Variants in PDE8A observed in about 807,000 individuals in gnomAD.
PDE8A encodes high affinity cAMP-specific and IBMX-insensitive 3',5'-cyclic phosphodiesterase 8A.
PDE8A carries 59 observed loss-of-function variants against 105.0 expected under a neutral mutation model. The ratio of observed to expected loss-of-function variants is 0.56; its 90% confidence interval spans 0.46 to 0.70. The LOEUF is 0.70. Among genes scored for constraint, PDE8A ranks in the 30% least tolerant of loss-of-function variants. PDE8A has a pLI of 0.00. For missense variants in PDE8A, 1,014 were observed against 1,045.9 expected (o/e 0.97, Z 0.42); for synonymous variants, 355 against 371.9 (o/e 0.95, Z 0.52).
At chr15:85,046,424 A>G (rs1306275752) in intron 1 of PDE8A, among the ~76,000 whole-genome samples, 1 of 152,214 alleles carries the variant, frequency 6.6e-6, no homozygotes, top group East Asian at 1.9e-4. Context: ...TTACATACAT[A>G]TATTTATGTA....
chr15:84,990,876 A>G (rs2079875349), intron 1 of PDE8A, among the ~76,000 whole-genome samples: 1 of 152,184 alleles, frequency 6.6e-6, no homozygotes, highest in Non-Finnish European at 1.5e-5. Context: ...CAGTTGCTCT[A>G]CATCCTTCCC....
intron 3 of PDE8A, among the ~76,000 whole-genome samples, chr15:85,069,541 A>C (rs1363321490): frequency 2.0e-5 from 3 of 152,126 alleles, no homozygotes; most frequent in Non-Finnish European, 4.4e-5. Context: ...CCTTACTGCT[A>C]TGAGTGGCTC....
chr15:85,060,883 G>T (rs1008058183), intron 1 of PDE8A, among the ~76,000 whole-genome samples: 9 of 152,034 alleles, frequency 5.9e-5, no homozygotes, highest in Non-Finnish European at 8.8e-5. Flanking sequence ...CTTTTATTGA[G>T]ATCTTTATTT....
At chr15:85,119,975 G>A (rs1414879603) in intron 17 of PDE8A, among the ~76,000 whole-genome samples, 2 of 151,920 alleles carry the variant, frequency 1.3e-5, no homozygotes, top group Non-Finnish European at 2.9e-5. Context: ...AAATAACCAA[G>A]AAAATAGGTG....
At chr15:85,055,081 T>A (rs928879816) in intron 1 of PDE8A, among the ~76,000 whole-genome samples, 7 of 111,212 alleles carry the variant, frequency 6.3e-5, no homozygotes, top group Admixed American at 5.2e-4. Flanking sequence ...CCAGTAGTCA[T>A]TCGGGAGCAG....
intron 1 of PDE8A, among the ~76,000 whole-genome samples, chr15:85,051,564 C>T (rs2080973602): frequency 6.6e-6 from 1 of 152,108 alleles, no homozygotes; most frequent in Non-Finnish European, 1.5e-5. Context: ...CACAGATCAA[C>T]CCATCACCCA....
intron 11 of PDE8A, among the ~76,000 whole-genome samples, chr15:85,103,568 TC>T (rs1447341139): frequency 6.6e-6 from 1 of 152,270 alleles, no homozygotes; most frequent in Admixed American, 6.5e-5. Context: ...ACAACAGAAA[TC>T]AATTCTTCAG....
At chr15:85,072,373 T>TA (rs2081324361) in intron 3 of PDE8A, among the ~76,000 whole-genome samples, 1 of 152,204 alleles carries the variant, frequency 6.6e-6, no homozygotes, top group Admixed American at 6.5e-5. Context: ...TTGAGTCTGG[T>TA]AGTTGCCCCC....
chr15:85,063,347 C>G (rs191371196), intron 1 of PDE8A: 13 of 152,212 alleles, frequency 8.5e-5, no homozygotes, highest in African/African-American at 2.9e-4. Context: ...GTTGCTGTGA[C>G]GAATCATACC....
At chr15:85,050,977 A>T (rs1238885359) in intron 1 of PDE8A, among the ~76,000 whole-genome samples, 2 of 152,020 alleles carry the variant, frequency 1.3e-5, no homozygotes, top group Admixed American at 1.3e-4. Context: ...AATCTTTTTA[A>T]TTTTTCAGCA....
chr15:85,017,776 A>G (rs1010071872), intron 1 of PDE8A, among the ~76,000 whole-genome samples: 1 of 150,928 alleles, frequency 6.6e-6, no homozygotes, highest in African/African-American at 2.4e-5. Context: ...AATCCCAGCT[A>G]CTAGGGAGGC....
intron 14 of PDE8A, chr15:85,115,214 A>G (rs904825732): frequency 8.2e-6 from 4 of 486,048 alleles, no homozygotes; most frequent in East Asian, 7.6e-5. Context: ...TTAGCTTCCA[A>G]CAGGGCCAGG....
chr15:85,037,507 A>T (rs772705418), intron 1 of PDE8A, among the ~76,000 whole-genome samples: 1 of 152,198 alleles, frequency 6.6e-6, no homozygotes, highest in South Asian at 2.1e-4. Context: ...TTTGAACTTT[A>T]TTTAAATTGA....
At chr15:85,000,497 G>A (rs891874853) in intron 1 of PDE8A, among the ~76,000 whole-genome samples, 2 of 152,198 alleles carry the variant, frequency 1.3e-5, no homozygotes, top group Non-Finnish European at 2.9e-5. Context: ...GTTGTTTATA[G>A]GGCTAGCTTT....
At chr15:85,082,199 G>A (rs1237294569) in intron 5 of PDE8A, among the ~76,000 whole-genome samples, 2 of 151,204 alleles carry the variant, frequency 1.3e-5, no homozygotes, top group African/African-American at 4.8e-5. Flanking sequence ...CTTCTCAGTC[G>A]GTGGGAGCTG....
Position 85,112,155 on chromosome 15 carries a change from G to C in PDE8A, c.1115-1222G>C, listed in dbSNP as rs539295197. On this transcript the variant is annotated intron_variant, in intron 12 of 21. Coordinates refer to ENST00000394553, the MANE Select transcript of PDE8A (RefSeq NM_002605.3). ...TTTTTCTTACCTTATTGCTCTGTTTGATTTTTTTCTAATTCCTTTATTTTT... is the reference window on the plus strand; with the variant it reads ...TTTTTCTTACCTTATTGCTCTGTTTCATTTTTTTCTAATTCCTTTATTTTT... 3.3e-5 allele frequency among the ~76,000 whole-genome samples: 5 copies of C among 151,952 alleles called. No homozygotes were observed. In the East Asian group the frequency reaches 9.7e-4, roughly 29 times the overall value.
At chr15:85,061,993 G>C (rs1288043006) in intron 1 of PDE8A, among the ~76,000 whole-genome samples, 1 of 151,604 alleles carries the variant, frequency 6.6e-6, no homozygotes, top group Admixed American at 6.6e-5. Flanking sequence ...CATGTTGTTC[G>C]TACATCATTT....
intron 1 of PDE8A, among the ~76,000 whole-genome samples, chr15:85,040,254 G>A (rs1359671951): frequency 6.6e-6 from 1 of 151,794 alleles, no homozygotes; most frequent in African/African-American, 2.4e-5. Context: ...GCCAGCCTGG[G>A]CAATATAGCA....
chr15:85,050,450 C>A (rs868351187), intron 1 of PDE8A, among the ~76,000 whole-genome samples: 1 of 152,046 alleles, frequency 6.6e-6, no homozygotes, highest in African/African-American at 2.4e-5. Flanking sequence ...TGTATTAGGT[C>A]TTACATTTAG....
Sources: allele counts gnomAD v4.1 joint callset (sites outside exome capture counted in the v4.1 genomes callset), GRCh38; gene constraint gnomAD v4.1.1; transcripts MANE v1.5; gene names NCBI Gene and HGNC (gene_info 2026-07-23, HGNC 2026-07-21).